Variants in SIN3A observed in about 807,000 individuals in gnomAD.
The protein encoded by SIN3A is paired amphipathic helix protein Sin3a.
A neutral mutation model predicts 146.1 loss-of-function variants in SIN3A; 14 were observed. The observed-to-expected ratio is 0.10, with a 90% CI of 0.06 to 0.15. The LOEUF (loss-of-function observed/expected upper bound fraction) is 0.15, where lower values mean the gene tolerates loss of function less well. SIN3A is among the 10% of genes least tolerant of loss of function. The pLI is 1.00. For synonymous variants in SIN3A, 572 were observed against 572.0 expected (o/e 1.00, Z 0.00); for missense variants, 1,028 against 1,576.0 (o/e 0.65, Z 5.89).
intron 2 of SIN3A, among the ~76,000 whole-genome samples, chr15:75,429,888 T>C (rs984883989): frequency 6.6e-6 from 1 of 152,170 alleles, no homozygotes; most frequent in Non-Finnish European, 1.5e-5. Flanking sequence ...TAAACAATTA[T>C]GTTAGTTTTT....
chr15:75,409,855 C>G lies in SIN3A; in HGVS notation c.1298G>C (p.Gly433Ala). The G allele has an allele frequency of 6.2e-7, 1 of 1,612,700 alleles. No homozygotes were observed. The highest frequency in any genetic ancestry group is 8.5e-7 in the Non-Finnish European group (1 of 1,179,932). ...TCTCACCTTAACTGGAGGGGTGGTT[C>G]CTGTAGGATGTCTGCGGATCTGGCA... ...NGCQIRRHPTGTTPPVKKKPK... is the reference protein window; with the variant it reads ...NGCQIRRHPTATTPPVKKKPK... The change falls in exon 8 of 21, where the codon GGA becomes GCA. Residue 433 changes from glycine (G) to alanine (A), a missense_variant. Physicochemically the swap from Gly to Ala is moderately conservative, Grantham distance 60 (BLOSUM62 0). Coordinates refer to ENST00000394947, the MANE Select transcript of SIN3A (RefSeq NM_001145358.2).
chr15:75,398,618 C>T (rs2073347981), intron 12 of SIN3A, among the ~76,000 whole-genome samples: 1 of 151,884 alleles, frequency 6.6e-6, no homozygotes, highest in East Asian at 1.9e-4. Flanking sequence ...GCAGAGGTTG[C>T]AGTGAGCCGA....
intron 3 of SIN3A, among the ~76,000 whole-genome samples, chr15:75,417,427 G>A (rs993590560): frequency 2.0e-5 from 3 of 150,684 alleles, no homozygotes; most frequent in Non-Finnish European, 4.4e-5. Flanking sequence ...CCAGGCTAGA[G>A]TGCAATGGCG....
intron 6 of SIN3A, 28 bp downstream of exon 6, chr15:75,411,464 T>G: frequency 6.2e-7 from 1 of 1,600,786 alleles, no homozygotes; most frequent in African/African-American, 1.3e-5. Flanking sequence ...GTGACCTGGT[T>G]AAGACAGGCT....
chr15:75,415,238 G>C (rs1442668677), intron 3 of SIN3A: 2 of 152,250 alleles, frequency 1.3e-5, no homozygotes, highest in Non-Finnish European at 2.9e-5. Context: ...GAACTGCATA[G>C]ATAAAAAAGC....
chr15:75,380,558 A>T, intron 19 of SIN3A, 71 bp downstream of exon 19: 1 of 1,149,838 alleles, frequency 8.7e-7, no homozygotes, highest in Non-Finnish European at 1.3e-6. Flanking sequence ...CAAGAACGTG[A>T]AAGTCATTTA....
chr15:75,441,693 T>A (rs763757833), intron 1 of SIN3A, among the ~76,000 whole-genome samples: 14 of 152,212 alleles, frequency 9.2e-5, no homozygotes, highest in South Asian at 2.1e-4. Flanking sequence ...CACCTCTGGG[T>A]CTTTTTTTCC....
chr15:75,434,386 A>G (rs1313034799), intron 1 of SIN3A, among the ~76,000 whole-genome samples: 2 of 152,218 alleles, frequency 1.3e-5, no homozygotes, highest in African/African-American at 4.8e-5. Flanking sequence ...GCGGTGGCTC[A>G]TGCCTGTAAT....
chr15:75,373,204 G>C lies in SIN3A; in HGVS notation c.3592-995C>G, dbSNP rs536099224. Among the ~76,000 whole-genome samples, 18 of 152,270 alleles carry C rather than the reference G, an allele frequency of 1.2e-4. No individual in the cohort carries two copies. The South Asian group carries it at 3.7e-3, about 32-fold the overall frequency. ...AAATAATGTGAATCAGAGACAGGCA[G>C]ACACACAACACATAGCAAAAAAAAT... On this transcript the variant is annotated intron_variant, in intron 20 of 20. Transcript: ENST00000394947.
At chr15:75,445,579 T>C (rs918792591) in intron 1 of SIN3A, among the ~76,000 whole-genome samples, 1 of 142,384 alleles carries the variant, frequency 7.0e-6, no homozygotes, top group South Asian at 2.2e-4. Flanking sequence ...TCAAAATAAA[T>C]AAATAAATAA....
At chr15:75,379,229 T>C (rs1439716507) in intron 19 of SIN3A, among the ~76,000 whole-genome samples, 1 of 152,210 alleles carries the variant, frequency 6.6e-6, no homozygotes, top group Non-Finnish European at 1.5e-5. Flanking sequence ...GAATTAAAGA[T>C]TGAAAACATT....
intron 3 of SIN3A, among the ~76,000 whole-genome samples, chr15:75,416,273 C>A (rs1279299065): frequency 2.0e-5 from 3 of 152,156 alleles, no homozygotes; most frequent in Non-Finnish European, 2.9e-5. Context: ...ACACCTTTCC[C>A]TTCTAGTTTT....
rs2072757024 is a variant in SIN3A, at chr15:75,371,844, C to T, written c.*135G>A. The T allele has an allele frequency of 2.8e-6, 2 of 725,670 alleles. No individual in the cohort carries two copies. The highest frequency in any genetic ancestry group is 4.6e-6 in the Non-Finnish European group (2 of 430,664). The allele number at this position is 725,670 out of a possible 1,614,324, so 45.0% of individuals were successfully genotyped here. On this transcript the variant is annotated 3_prime_UTR_variant, in exon 21 of 21. Coordinates refer to ENST00000394947, the MANE Select transcript of SIN3A (RefSeq NM_001145358.2). ...GGTGCCAGGCTGCACCAGCCACACACAGGTCAGGTGGCCATGTCCCAGAGA... is the reference window on the plus strand; with the variant it reads ...GGTGCCAGGCTGCACCAGCCACACATAGGTCAGGTGGCCATGTCCCAGAGA...
chr15:75,423,152 C>A (rs920433704), intron 2 of SIN3A, among the ~76,000 whole-genome samples: 2 of 151,882 alleles, frequency 1.3e-5, no homozygotes, highest in African/African-American at 4.8e-5. Flanking sequence ...GCAACATGCA[C>A]CTGTGGTCCC....
chr15:75,397,136 G>A (rs1273615962), intron 12 of SIN3A, among the ~76,000 whole-genome samples: 10 of 152,144 alleles, frequency 6.6e-5, no homozygotes, highest in Non-Finnish European at 4.4e-5. Flanking sequence ...GGCAACCTTT[G>A]AGTCTACTTT....
rs143447009 is a variant in SIN3A, at chr15:75,374,632, C to T, written c.3591+1033G>A. ...ATTAGACAAAGTGATGTGGCCTCTGCCTACCCTTCTAACTTCATGCAACCT... is the reference window on the plus strand; with the variant it reads ...ATTAGACAAAGTGATGTGGCCTCTGTCTACCCTTCTAACTTCATGCAACCT... On this transcript the variant is annotated intron_variant, in intron 20 of 20. Transcript: ENST00000394947. 1.3e-4 allele frequency among the ~76,000 whole-genome samples: 20 copies of T among 152,352 alleles called. No individual in the cohort carries two copies. The East Asian group carries it at 3.9e-3, about 29-fold the overall frequency.
chr15:75,396,557 G>C, intron 12 of SIN3A, 61 bp from the exon 13 acceptor site: 1 of 1,212,830 alleles, frequency 8.2e-7, no homozygotes, highest in Non-Finnish European at 1.2e-6. Context: ...ATAGAGTAGT[G>C]TTTAGAAGAA....
Position 75,381,594 on chromosome 15 carries a change from G to A in SIN3A, c.3288+19C>T. On this transcript the variant is annotated intron_variant, in intron 18 of 20. Transcript: ENST00000394947. ...CAGCTCTGCTTGGCACCTGGGGTCTGTGATGTACTTGCTCATACCTCTGCT... is the reference window on the plus strand; with the variant it reads ...CAGCTCTGCTTGGCACCTGGGGTCTATGATGTACTTGCTCATACCTCTGCT... The A allele has an allele frequency of 6.3e-7, 1 of 1,592,742 alleles. No individual in the cohort carries two copies. Among genetic ancestry groups the A allele is most frequent in the Non-Finnish European group, 8.6e-7 (1 of 1,161,954 alleles).
At chr15:75,411,393 C>T in intron 6 of SIN3A, 99 bp downstream of exon 6, 1 of 1,245,272 alleles carries the variant, frequency 8.0e-7, no homozygotes, top group Non-Finnish European at 1.1e-6. Context: ...TGGTTAATTT[C>T]CAGTATGAAT....
Sources: gnomAD v4.1 joint callset for allele counts (sites outside exome capture counted in the v4.1 genomes callset) on GRCh38, gnomAD v4.1.1 for gene constraint, MANE v1.5 for transcripts, NCBI Gene and HGNC (gene_info 2026-07-23, HGNC 2026-07-21) for gene names.